Variants in RUNX1T1 observed in about 807,000 individuals in gnomAD.
RUNX1T1 encodes the protein RUNX1 partner transcriptional co-repressor 1, also known as protein CBFA2T1.
In RUNX1T1, 4 loss-of-function variants were observed where a neutral mutation model predicts 62.8. The observed-to-expected ratio is 0.06, with a 90% CI of 0.03 to 0.15. The LOEUF (loss-of-function observed/expected upper bound fraction) is 0.15. RUNX1T1 is among the 10% of genes least tolerant of loss of function. RUNX1T1 has a pLI of 1.00. For missense variants in RUNX1T1, 508 were observed against 754.3 expected (o/e 0.67, Z 3.82); for synonymous variants, 291 against 286.0 (o/e 1.02, Z -0.18).
At chr8:92,018,215 G>C (rs1244061407) in intron 1 of RUNX1T1, among the ~76,000 whole-genome samples, 1 of 152,150 alleles carries the variant, frequency 6.6e-6, no homozygotes, top group Non-Finnish European at 1.5e-5. Context: ...ATTCTGAACT[G>C]TTTTTCTCAA....
At chr8:92,074,343 G>T (rs1834109386) in intron 2 of RUNX1T1, among the ~76,000 whole-genome samples, 1 of 152,188 alleles carries the variant, frequency 6.6e-6, no homozygotes, top group South Asian at 2.1e-4. Flanking sequence ...GACCAGAAAG[G>T]AATAGATTGT....
chr8:92,051,816 A>G (rs533268726), intron 1 of RUNX1T1, among the ~76,000 whole-genome samples: 3 of 152,234 alleles, frequency 2.0e-5, no homozygotes, highest in African/African-American at 7.2e-5. Flanking sequence ...CCATGCTATC[A>G]TAAGCACCAG....
chr8:92,031,956 C>T (rs1826312812), intron 1 of RUNX1T1, among the ~76,000 whole-genome samples: 1 of 151,476 alleles, frequency 6.6e-6, no homozygotes, highest in South Asian at 2.1e-4. Flanking sequence ...TAGCCAGGCA[C>T]GGGACTCACA....
chr8:92,082,218 CT>C (rs1298318377), intron 1 of RUNX1T1, among the ~76,000 whole-genome samples: 5 of 152,128 alleles, frequency 3.3e-5, no homozygotes, highest in African/African-American at 9.7e-5. Flanking sequence ...TAAACAGTAA[CT>C]TTTCTAAGTG....
chr8:92,024,343 T>G (rs2131246038), intron 1 of RUNX1T1, among the ~76,000 whole-genome samples: 1 of 151,812 alleles, frequency 6.6e-6, no homozygotes, highest in Non-Finnish European at 1.5e-5. Flanking sequence ...GCCCTGTCTC[T>G]ACAAAAAATA....
intron 1 of RUNX1T1, among the ~76,000 whole-genome samples, chr8:92,057,796 T>C (rs1207870696): frequency 6.6e-6 from 1 of 152,210 alleles, no homozygotes; most frequent in African/African-American, 2.4e-5. Context: ...TTTAAGTTAA[T>C]GATTTATTCC....
chr8:92,026,165 T>C (rs1448952934), intron 1 of RUNX1T1, among the ~76,000 whole-genome samples: 2 of 152,202 alleles, frequency 1.3e-5, no homozygotes, highest in Admixed American at 1.3e-4. Flanking sequence ...CTCTGTTCTA[T>C]AATGGGCATA....
intron 1 of RUNX1T1, among the ~76,000 whole-genome samples, chr8:92,051,660 C>A (rs562246360): frequency 1.3e-5 from 2 of 151,336 alleles, no homozygotes; most frequent in African/African-American, 4.9e-5. Flanking sequence ...TTCCTCAGAG[C>A]GGAAATGCTC....
At chr8:92,004,986 G>A in intron 5 of RUNX1T1, 130 bp downstream of exon 6, 1 of 752,808 alleles carries the variant, frequency 1.3e-6, no homozygotes, top group East Asian at 2.8e-5. Flanking sequence ...TCTCAAGATG[G>A]CCACAATGGC....
intron 10 of RUNX1T1, among the ~76,000 whole-genome samples, chr8:91,970,090 TA>T (rs1812510346): frequency 1.3e-5 from 2 of 151,374 alleles, no homozygotes; most frequent in African/African-American, 2.4e-5. Flanking sequence ...ATAATATATG[TA>T]ACATTACCTC....
intron 1 of RUNX1T1, among the ~76,000 whole-genome samples, chr8:92,028,290 G>C (rs1825637801): frequency 6.6e-6 from 1 of 151,822 alleles, no homozygotes; most frequent in Non-Finnish European, 1.5e-5. Flanking sequence ...GCAAATGGTG[G>C]TTCTGGACAG....
chr8:92,043,275 C>T (rs762651155), intron 1 of RUNX1T1, among the ~76,000 whole-genome samples: 7 of 152,070 alleles, frequency 4.6e-5, no homozygotes, highest in African/African-American at 9.7e-5. Flanking sequence ...CATCCATTTT[C>T]CAAGATTAGA....
At chr8:91,968,962 C>T (rs1002252218) in intron 10 of RUNX1T1, among the ~76,000 whole-genome samples, 1 of 151,900 alleles carries the variant, frequency 6.6e-6, no homozygotes, top group Admixed American at 6.6e-5. Context: ...TAAGTTTGAC[C>T]CTCTGAATTC....
downstream of RUNX1T1, chr8:91,956,797 A>G (rs1013899950): frequency 2.3e-5 from 5 of 217,516 alleles, 1 homozygote; most frequent in South Asian, 9.3e-4. Context: ...ATAATATTTT[A>G]AAAAAATTAC....
At chr8:92,056,510 A>G (rs1030928620) in intron 1 of RUNX1T1, among the ~76,000 whole-genome samples, 3 of 152,196 alleles carry the variant, frequency 2.0e-5, no homozygotes, top group Non-Finnish European at 2.9e-5. Flanking sequence ...TAATAAAGTG[A>G]GCCAGACTAC....
At chr8:91,962,873 T>G (rs1810810484) in intron 10 of RUNX1T1, among the ~76,000 whole-genome samples, 1 of 152,176 alleles carries the variant, frequency 6.6e-6, no homozygotes, top group Admixed American at 6.5e-5. Flanking sequence ...GTCCTATCCG[T>G]TTTTTGGCAG....
intron 4 of RUNX1T1, chr8:92,009,973 A>G (rs1821611373): frequency 6.6e-6 from 1 of 152,244 alleles, no homozygotes; most frequent in African/African-American, 2.4e-5. Context: ...ACTAATATCC[A>G]GAAAGTTCAG....
exon 11 of RUNX1T1, chr8:91,960,234 G>A: frequency 6.2e-7 from 1 of 1,606,048 alleles, no homozygotes; most frequent in South Asian, 1.1e-5. Flanking sequence ...ACAGTTCTGA[G>A]TTCACGTCTA....
chr8:91,960,299 G>GGCT lies in RUNX1T1; in HGVS notation c.1674_1676dup (p.Ala559dup), dbSNP rs746920642. 3 of 1,610,512 alleles carry GGCT rather than the reference G, an allele frequency of 1.9e-6. No homozygotes were observed. The East Asian group carries it at 6.7e-5, about 36-fold the overall frequency. On this transcript the variant is annotated inframe_insertion, in exon 11 of 11. Coordinates refer to ENST00000396218, the Ensembl canonical transcript of RUNX1T1. The stretch of plus-strand genomic sequence containing the variant: ...TTCCCGGGGTGGTTGACCTCGGAGT[G>GGCT]GCTGCTGGTGGTGTGTCCATCGGGC...
Sources: allele counts gnomAD v4.1 joint callset (sites outside exome capture counted in the v4.1 genomes callset), GRCh38; gene constraint gnomAD v4.1.1; transcripts MANE v1.5; gene names NCBI Gene and HGNC (gene_info 2026-07-23, HGNC 2026-07-21).